The following HAS3 variants were observed in gnomAD, a reference collection of about 807,000 sequenced individuals.
HAS3 encodes the protein hyaluronan synthase 3, also known as HA synthase 3.
A neutral mutation model predicts 50.3 loss-of-function variants in HAS3; 27 were observed. The observed-to-expected ratio is 0.54, with a 90% CI of 0.40 to 0.74. The LOEUF (loss-of-function observed/expected upper bound fraction) is 0.74, where lower values mean the gene tolerates loss of function less well. Ranked by LOEUF, HAS3 falls within the 30% of genes least tolerant of loss-of-function variation. The pLI, the probability that HAS3 is intolerant of heterozygous loss-of-function variation, is 0.00. For synonymous variants in HAS3, 339 were observed against 310.9 expected (o/e 1.09, Z -0.95); for missense variants, 517 against 742.8 (o/e 0.70, Z 3.53).
the HAS3 span, among the ~76,000 whole-genome samples, chr16:69,098,296 G>A: frequency 3.3e-5 from 5 of 152,054 alleles, no homozygotes; most frequent in African/African-American, 4.8e-5. Flanking sequence ...GCGTGAACCC[G>A]GGAGGCAGAG....
rs575633307 is a variant in HAS3 at position 69,107,460 on chromosome 16, T to G, written c.-1+1673T>G. The G allele has an allele frequency of 1.5e-5, 15 of 985,502 alleles. No homozygotes were observed. In the East Asian group the frequency reaches 1.7e-3, roughly 112 times the overall value. 61.0% of individuals were successfully genotyped at this position (985,502 alleles called of 1,614,324 possible). On this transcript the variant is annotated intron_variant, in intron 1 of 3. Coordinates refer to ENST00000569188, the MANE Select transcript of HAS3 (RefSeq NM_001199280.2). The surrounding 1 kb of genome is among the most constrained non-coding windows in gnomAD (Gnocchi z 5.5). ...GGTTTTCCGTTCCTTCCCGGTTGGG[T>G]CGTGGGAAAGCGGCACGTGGGTGTG...
upstream of HAS3, among the ~76,000 whole-genome samples, chr16:69,103,058 A>T (rs1960713526): frequency 6.8e-6 from 1 of 148,118 alleles, no homozygotes. Context: ...TCAACATTTG[A>T]ATTACCAATG....
At chr16:69,090,093 T>C in the HAS3 span, among the ~76,000 whole-genome samples, 17 of 152,274 alleles carry the variant, frequency 1.1e-4, no homozygotes, top group African/African-American at 4.1e-4. Flanking sequence ...TTGAATACAA[T>C]GGAGCTTCTT....
chr16:69,115,761 G>A lies in HAS3; in HGVS notation c.*495G>A. Reference sequence around the variant, plus strand: ...CCCTAAGTAGTCATCAATGCAATAAGATTGCGCCTGAGATACAAGGCCCAG... The same window carrying A: ...CCCTAAGTAGTCATCAATGCAATAAAATTGCGCCTGAGATACAAGGCCCAG... On this transcript the variant is annotated 3_prime_UTR_variant, in exon 4 of 4. Coordinates refer to ENST00000569188, the MANE Select transcript of HAS3 (RefSeq NM_001199280.2). 3 of 986,498 alleles carry A rather than the reference G, an allele frequency of 3.0e-6. No individual in the cohort carries two copies. The highest frequency in any genetic ancestry group is 3.6e-6 in the Non-Finnish European group (3 of 830,572). The allele number at this position is 986,498 out of a possible 1,614,324, so 61.1% of individuals were successfully genotyped here.
chr16:69,118,607 C>T (rs188771784), downstream of HAS3: 9 of 711,682 alleles, frequency 1.3e-5, no homozygotes, highest in East Asian at 2.7e-5. Flanking sequence ...GCACAGCAGG[C>T]TTCTGGGAGG....
chr16:69,111,503 C>T (rs1343088777), intron 2 of HAS3, among the ~76,000 whole-genome samples: 3 of 152,220 alleles, frequency 2.0e-5, no homozygotes, highest in Non-Finnish European at 4.4e-5. Flanking sequence ...GTCCTGCCAG[C>T]CCACCTGTGT....
At position 69,107,996 on chromosome 16, in the gene HAS3, C is replaced by T. The variant is rs1567578402; in HGVS notation, c.1-1400C>T. Among the ~76,000 whole-genome samples, 1 of 152,188 alleles carries T rather than the reference C, an allele frequency of 6.6e-6. No homozygotes were observed. The highest frequency in any genetic ancestry group is 1.5e-5 in the Non-Finnish European group (1 of 68,028). ...CGTCCCTTCTACGTGAGAGGCGTCC[C>T]GACAGGAAAGTGTGTTTGTTTTGGG... is the stretch of plus-strand genomic sequence containing the variant. On this transcript the variant is annotated intron_variant, in intron 1 of 3. Coordinates refer to ENST00000569188, the MANE Select transcript of HAS3 (RefSeq NM_001199280.2). This position sits in a 1 kb window ranked among gnomAD's most constrained non-coding sequence, Gnocchi z 5.5.
In HAS3 at chr16:69,114,329, C is replaced by G; in HGVS notation, c.739-14C>G. 6.3e-7 allele frequency: 1 copy of G among 1,583,442 alleles called. No individual in the cohort carries two copies. Among genetic ancestry groups the G allele is most frequent in the Non-Finnish European group, 8.5e-7 (1 of 1,169,746 alleles). On this transcript the variant is annotated splice_polypyrimidine_tract_variant and intron_variant, in intron 3 of 3. Transcript: ENST00000569188. This position sits in a 1 kb window ranked among gnomAD's most constrained non-coding sequence, Gnocchi z 6.4. ...TGCAACCTTAGGAGGCCCAGCATCTCTATTCCCTTGCAGATCCTCAACAAG... is the reference window on the plus strand; with the variant it reads ...TGCAACCTTAGGAGGCCCAGCATCTGTATTCCCTTGCAGATCCTCAACAAG...
chr16:69,105,955 G>C (rs1018799826), intron 1 of HAS3, among the ~76,000 whole-genome samples, 168 bp downstream of exon 1: 1 of 152,248 alleles, frequency 6.6e-6, no homozygotes, highest in Non-Finnish European at 1.5e-5. Flanking sequence ...TTGCAGAGCC[G>C]CGTGGCCTTC....
Position 69,106,836 on chromosome 16 carries a change from G to C in HAS3, c.-1+1049G>C, listed in dbSNP as rs1440869099. On this transcript the variant is annotated intron_variant, in intron 1 of 3. Transcript: ENST00000569188. The surrounding 1 kb of genome is among the most constrained non-coding windows in gnomAD (Gnocchi z 5.5). Reference sequence around the variant, plus strand: ...GGAGGGCGGCCGGGCACAAGAGGAGGAGCCCCGTTGGGCGCACAAGTTTCC... The same window carrying C: ...GGAGGGCGGCCGGGCACAAGAGGAGCAGCCCCGTTGGGCGCACAAGTTTCC... The C allele has an allele frequency of 2.0e-5, 3 of 152,192 alleles. No homozygotes were observed. Among genetic ancestry groups the C allele is most frequent in the African/African-American group, 4.8e-5 (2 of 41,446 alleles). 9.4% of individuals were successfully genotyped at this position (152,192 alleles called of 1,614,324 possible).
At chr16:69,092,343 C>T in the HAS3 span, among the ~76,000 whole-genome samples, 1 of 152,186 alleles carries the variant, frequency 6.6e-6, no homozygotes, top group Admixed American at 6.5e-5. Context: ...GTGGTCACAC[C>T]TGTAATCCCA....
chr16:69,092,752 C>T, the HAS3 span, among the ~76,000 whole-genome samples: 2 of 152,124 alleles, frequency 1.3e-5, no homozygotes, highest in Non-Finnish European at 2.9e-5. Flanking sequence ...CCTAGCTACT[C>T]AGGAGGTCTT....
At position 69,113,433 on chromosome 16, in the gene HAS3, C is replaced by G; in HGVS notation, c.637-8C>G. ...TCAGAATGGGCTGACGACGCACTCC[C>G]TCTGCAGGTGTGCGACTCTGACACT... On this transcript the variant is annotated splice_region_variant and splice_polypyrimidine_tract_variant and intron_variant, in intron 2 of 3. Coordinates refer to ENST00000569188, the MANE Select transcript of HAS3 (RefSeq NM_001199280.2). 1.9e-6 allele frequency: 3 copies of G among 1,596,576 alleles called. No individual in the cohort carries two copies. The highest frequency in any genetic ancestry group is 1.7e-6 in the Non-Finnish European group (2 of 1,164,106).
the HAS3 span, among the ~76,000 whole-genome samples, chr16:69,086,468 T>C: frequency 6.6e-6 from 1 of 152,026 alleles, no homozygotes; most frequent in African/African-American, 2.4e-5. Context: ...TGGGCCCTAA[T>C]GTAATCCTCT....
downstream of HAS3, chr16:69,118,298 T>G: frequency 9.0e-7 from 1 of 1,109,992 alleles, no homozygotes; most frequent in Non-Finnish European, 1.4e-6. Flanking sequence ...AAGCAGAAAC[T>G]GCATTCGGTG....
chr16:69,089,799 C>A, the HAS3 span, among the ~76,000 whole-genome samples: 1 of 152,202 alleles, frequency 6.6e-6, no homozygotes, highest in Non-Finnish European at 1.5e-5. Flanking sequence ...ATAGGGAGTC[C>A]GTAGCTCCAC....
In HAS3 at chr16:69,109,720, C is replaced by A; in HGVS notation, c.325C>A (p.Gln109Lys). ...DYLRKCLRSA[Q>K]RISFPDLKVV... ...CTTGCGCAAGTGCCTGCGCTCGGCC[C>A]AGCGCATCTCCTTCCCTGACCTCAA... Residue 109 changes from glutamine (Q) to lysine (K), a missense_variant, in exon 2 of 4, where the codon CAG becomes AAG. Transcript: ENST00000569188. This position sits in a 1 kb window ranked among gnomAD's most constrained non-coding sequence, Gnocchi z 5.3. 1 of 1,610,922 alleles carries A rather than the reference C, an allele frequency of 6.2e-7. No homozygotes were observed. Among genetic ancestry groups the A allele is most frequent in the Non-Finnish European group, 8.5e-7 (1 of 1,179,916 alleles).
the HAS3 span, among the ~76,000 whole-genome samples, chr16:69,088,982 TA>T: frequency 2.0e-5 from 3 of 151,954 alleles, no homozygotes; most frequent in Non-Finnish European, 2.9e-5. Context: ...TTCCCCTCCA[TA>T]AAAAGGAAGC....
chr16:69,116,116 T>G lies in HAS3; in HGVS notation c.*850T>G. 1.0e-6 allele frequency: 1 copy of G among 985,502 alleles called. No homozygotes were observed. Among genetic ancestry groups the G allele is most frequent in the Non-Finnish European group, 1.2e-6 (1 of 829,916 alleles). The allele number at this position is 985,502 out of a possible 1,614,324, so 61.0% of individuals were successfully genotyped here. On this transcript the variant is annotated 3_prime_UTR_variant, in exon 4 of 4. Coordinates refer to ENST00000569188, the MANE Select transcript of HAS3 (RefSeq NM_001199280.2). ...CATGTTCAGAAAAGAAGTGAAGTCT[T>G]GGGTATTTTAACCTGTATACTCTTG... is the stretch of plus-strand genomic sequence containing the variant.
Sources: gnomAD v4.1 joint callset for allele counts (sites outside exome capture counted in the v4.1 genomes callset) on GRCh38, gnomAD v4.1.1 for gene constraint, Gnocchi (gnomAD v3.1) non-coding constraint, MANE v1.5 for transcripts, NCBI Gene and HGNC (gene_info 2026-07-23, HGNC 2026-07-21) for gene names.